The following JAM3 variants were observed in gnomAD, a reference collection of about 807,000 sequenced individuals.
The protein encoded by JAM3 is junctional adhesion molecule C.
Under a neutral mutation model 39.4 loss-of-function variants are expected in JAM3, and 31 were observed. The observed-to-expected ratio is 0.79, with a 90% CI of 0.59 to 1.06. The LOEUF is 1.06. JAM3 is among the 50% of genes least tolerant of loss of function. JAM3 has a pLI of 0.00. For missense variants in JAM3, 455 were observed against 391.4 expected (o/e 1.16, Z -1.37); for synonymous variants, 182 against 148.7 (o/e 1.22, Z -1.63).
intron 1 of JAM3, among the ~76,000 whole-genome samples, chr11:134,105,179 G>T (rs1019982146): frequency 5.0e-4 from 76 of 152,202 alleles, no homozygotes; most frequent in Non-Finnish European, 8.2e-4. Context: ...TTCATCCCTG[G>T]GATGTAAGGC....
At chr11:134,104,129 G>A (rs563915653) in intron 1 of JAM3, among the ~76,000 whole-genome samples, 3 of 152,296 alleles carry the variant, frequency 2.0e-5, no homozygotes, top group East Asian at 1.9e-4. Context: ...CTCAGCAAAT[G>A]TAAAATAACA....
At chr11:134,127,424 C>T (rs568752237) in intron 1 of JAM3, among the ~76,000 whole-genome samples, 3 of 152,260 alleles carry the variant, frequency 2.0e-5, no homozygotes, top group East Asian at 1.9e-4. Flanking sequence ...TTTGGCCGGG[C>T]GTGGTGGCTC....
At chr11:134,134,702 C>T (rs1565501366) in intron 1 of JAM3, among the ~76,000 whole-genome samples, 1 of 152,144 alleles carries the variant, frequency 6.6e-6, no homozygotes, top group South Asian at 2.1e-4. Flanking sequence ...AAATCATAAC[C>T]ATCCTAATGG....
intron 1 of JAM3, among the ~76,000 whole-genome samples, chr11:134,113,653 C>A (rs1030204989): frequency 2.6e-5 from 4 of 152,106 alleles, no homozygotes; most frequent in East Asian, 1.9e-4. Flanking sequence ...CAATAAACAT[C>A]CGTGTGCATG....
chr11:134,096,477 C>T (rs1941986102), intron 1 of JAM3, among the ~76,000 whole-genome samples: 1 of 152,184 alleles, frequency 6.6e-6, no homozygotes, highest in Non-Finnish European at 1.5e-5. Context: ...TATCGTACTT[C>T]ATAGCCAGTA....
chr11:134,112,370 G>A (rs1942330236), intron 1 of JAM3, among the ~76,000 whole-genome samples: 1 of 152,162 alleles, frequency 6.6e-6, no homozygotes, highest in African/African-American at 2.4e-5. Flanking sequence ...TTACAGGCGT[G>A]AGACACCGCA....
At chr11:134,115,872 G>T (rs1942420090) in intron 1 of JAM3, among the ~76,000 whole-genome samples, 1 of 152,128 alleles carries the variant, frequency 6.6e-6, no homozygotes, top group South Asian at 2.1e-4. Context: ...ACTCAAGCCT[G>T]GGTGACAGAA....
intron 1 of JAM3, among the ~76,000 whole-genome samples, chr11:134,111,070 G>A (rs142506025): frequency 7.2e-6 from 1 of 139,736 alleles, no homozygotes; most frequent in South Asian, 2.3e-4. Flanking sequence ...TTAATTCTTT[G>A]TTCTCACTCT....
rs139390035 is a variant in JAM3 at position 134,115,713 on chromosome 11, G to A, written c.77-24138G>A. On this transcript the variant is annotated intron_variant, in intron 1 of 8. Coordinates refer to ENST00000299106, the MANE Select transcript of JAM3 (RefSeq NM_032801.5). ...GCCCAGGAGTTTGAGACCAGCCTGGGTAACATGTGAGATCCTGTCTCTTAA... is the reference window on the plus strand; with the variant it reads ...GCCCAGGAGTTTGAGACCAGCCTGGATAACATGTGAGATCCTGTCTCTTAA... Among the ~76,000 whole-genome samples, 701 of 151,920 alleles carry A rather than the reference G, an allele frequency of 4.6e-3. 5 individuals are homozygous for A. The highest frequency in any genetic ancestry group is 0.016 in the African/African-American group (669 of 41,436).
intron 1 of JAM3, among the ~76,000 whole-genome samples, chr11:134,070,761 A>G (rs745848478): frequency 3.9e-5 from 6 of 152,242 alleles, no homozygotes; most frequent in Non-Finnish European, 8.8e-5. Context: ...ATGAATTTCA[A>G]CTTGGTAGTT....
At chr11:134,070,251 A>G (rs1941466124) in intron 1 of JAM3, 3 of 456,002 alleles carry the variant, frequency 6.6e-6, no homozygotes, top group South Asian at 4.6e-5. Flanking sequence ...GCAGGACACC[A>G]CACTCTTCCC....
chr11:134,128,070 A>T (rs992656567), intron 1 of JAM3, among the ~76,000 whole-genome samples: 2 of 148,686 alleles, frequency 1.3e-5, no homozygotes, highest in Non-Finnish European at 3.0e-5. Flanking sequence ...CTTACAGTTT[A>T]AAAAAAAAAG....
chr11:134,104,607 G>A (rs1428726942), intron 1 of JAM3, among the ~76,000 whole-genome samples: 9 of 152,006 alleles, frequency 5.9e-5, no homozygotes, highest in Admixed American at 1.3e-4. Context: ...TTGATAGACC[G>A]CTAGCAAGAC....
chr11:134,102,455 G>A (rs961732347), intron 1 of JAM3, among the ~76,000 whole-genome samples: 5 of 152,158 alleles, frequency 3.3e-5, no homozygotes, highest in East Asian at 1.9e-4. Flanking sequence ...AAATCAGAGC[G>A]CTTCTCCCCC....
At chr11:134,117,405 G>A (rs1383064038) in intron 1 of JAM3, among the ~76,000 whole-genome samples, 2 of 152,014 alleles carry the variant, frequency 1.3e-5, no homozygotes, top group Non-Finnish European at 2.9e-5. Context: ...ATCCAAATTG[G>A]CGGGGAAGAA....
rs901422917 is a variant in JAM3, at chr11:134,093,504, C to T, written c.76+24345C>T. ...ATCATGTTCCATCTTACATGTCACT[C>T]CCTGAGGGAAGCTTCTCCTGAGCCC... is the stretch of plus-strand genomic sequence containing the variant. On this transcript the variant is annotated intron_variant, in intron 1 of 8. Transcript: ENST00000299106. 1.6e-4 allele frequency among the ~76,000 whole-genome samples: 19 copies of T among 121,010 alleles called. 1 individual carries two copies. Among genetic ancestry groups the T allele is most frequent in the East Asian group, 3.3e-4 (1 of 2,988 alleles). 79.4% of individuals were successfully genotyped at this position (121,010 alleles called of 152,430 possible). A position where few individuals can be genotyped will look rare whatever the true frequency, so the allele number is the denominator to read the frequency against.
At chr11:134,070,148 T>C in intron 1 of JAM3, 2 of 456,264 alleles carry the variant, frequency 4.4e-6, no homozygotes, top group African/African-American at 2.0e-5. Context: ...CTCTGTGAGA[T>C]AGGTTTCATT....
At chr11:134,089,619 C>T (rs183911678) in intron 1 of JAM3, among the ~76,000 whole-genome samples, 3,320 of 152,248 alleles carry the variant, frequency 0.022, 48 homozygotes, top group Middle Eastern at 0.061. Flanking sequence ...TCATCCATGT[C>T]CCCACAAAGG....
At chr11:134,107,485 T>A (rs1398661044) in intron 1 of JAM3, among the ~76,000 whole-genome samples, 1 of 151,648 alleles carries the variant, frequency 6.6e-6, no homozygotes, top group Admixed American at 6.6e-5. Flanking sequence ...GTATAAAAAA[T>A]ATATATAAAT....
Sources: gnomAD v4.1 joint callset for allele counts (sites outside exome capture counted in the v4.1 genomes callset) on GRCh38, gnomAD v4.1.1 for gene constraint, MANE v1.5 for transcripts, NCBI Gene and HGNC (gene_info 2026-07-23, HGNC 2026-07-21) for gene names.